TMPRSS5: variants seen among roughly 807,000 people sequenced by gnomAD.
TMPRSS5 encodes transmembrane protease serine 5.
TMPRSS5 carries 45 observed loss-of-function variants against 59.7 expected under a neutral mutation model. The ratio of observed to expected loss-of-function variants is 0.75; its 90% CI spans 0.59 to 0.97. The LOEUF (loss-of-function observed/expected upper bound fraction) is 0.97. TMPRSS5 is among the 50% of genes least tolerant of loss of function. TMPRSS5 has a pLI of 0.00. For missense variants in TMPRSS5, 585 were observed against 596.7 expected (o/e 0.98, Z 0.20); for synonymous variants, 225 against 232.0 (o/e 0.97, Z 0.27).
intron 4 of TMPRSS5, among the ~76,000 whole-genome samples, 165 bp from the exon 5 acceptor site, chr11:113,697,583 G>A (rs1952966869): frequency 6.6e-6 from 1 of 152,202 alleles, no homozygotes; most frequent in Non-Finnish European, 1.5e-5. Flanking sequence ...CCAGTCCCAA[G>A]AGCAGTATCA....
At chr11:113,700,029 C>T (rs1338444928) in intron 2 of TMPRSS5, 37 bp downstream of exon 2, 11 of 1,551,648 alleles carry the variant, frequency 7.1e-6, no homozygotes, top group African/African-American at 2.7e-5. Context: ...TCCACTGTCC[C>T]CACCCTGTCA....
At position 113,706,106 on chromosome 11, in the gene TMPRSS5, A is replaced by G. The variant is rs769742282; in HGVS notation, c.3+116T>C. The stretch of plus-strand genomic sequence containing the variant: ...GCCCCTGCTAGGATCCAGCCCCTGT[A>G]CCAGAGCTGCCTCAGGAGGCTCTTT... On this transcript the variant is annotated intron_variant, in intron 1 of 12. Coordinates refer to ENST00000299882, the MANE Select transcript of TMPRSS5 (RefSeq NM_030770.4). 3.2e-4 allele frequency: 410 copies of G among 1,279,808 alleles called. 2 individuals are homozygous for G. The highest frequency in any genetic ancestry group is 1.1e-3 in the Middle Eastern group (5 of 4,654). 79.3% of individuals were successfully genotyped at this position (1,279,808 alleles called of 1,614,324 possible).
At chr11:113,705,788 C>T (rs1953274252) in intron 1 of TMPRSS5, among the ~76,000 whole-genome samples, 1 of 152,204 alleles carries the variant, frequency 6.6e-6, no homozygotes, top group Admixed American at 6.5e-5. Flanking sequence ...GTCTTTTCTT[C>T]TGCCTCAGTA....
intron 9 of TMPRSS5, 135 bp from the exon 10 acceptor site, chr11:113,691,074 G>T (rs557203740): frequency 3.0e-4 from 225 of 761,698 alleles, no homozygotes; most frequent in Non-Finnish European, 4.6e-4. Flanking sequence ...GGTTCCACCA[G>T]CCAGGCCTCC....
intron 10 of TMPRSS5, 86 bp from the exon 11 acceptor site, chr11:113,690,459 CAG>C (rs1039747373): frequency 7.3e-6 from 11 of 1,511,394 alleles, no homozygotes; most frequent in Non-Finnish European, 8.8e-6. Context: ...TTCGAAGTCC[CAG>C]AGACAGGGAG....
intron 9 of TMPRSS5, among the ~76,000 whole-genome samples, chr11:113,692,490 G>A (rs1292804299): frequency 2.6e-5 from 4 of 152,176 alleles, no homozygotes; most frequent in African/African-American, 4.8e-5. Flanking sequence ...CCACATGCAC[G>A]TGTGTGTCGG....
chr11:113,705,639 C>T (rs1042544050), intron 1 of TMPRSS5, among the ~76,000 whole-genome samples: 1 of 152,232 alleles, frequency 6.6e-6, no homozygotes, highest in African/African-American at 2.4e-5. Flanking sequence ...GCCAGTCAAG[C>T]ACCCATAAGA....
intron 1 of TMPRSS5, among the ~76,000 whole-genome samples, chr11:113,702,895 G>A (rs1430513418): frequency 1.3e-5 from 2 of 152,240 alleles, no homozygotes; most frequent in Non-Finnish European, 2.9e-5. Context: ...TTCAGAGGAT[G>A]TATGGAAACA....
chr11:113,688,573 G>A (rs1952669084), intron 12 of TMPRSS5, among the ~76,000 whole-genome samples: 1 of 152,100 alleles, frequency 6.6e-6, no homozygotes, highest in African/African-American at 2.4e-5. Context: ...TAATGTTTTT[G>A]TTTTGTTTTG....
intron 3 of TMPRSS5, 36 bp downstream of exon 3, chr11:113,699,559 C>A (rs747745800): frequency 6.5e-7 from 1 of 1,528,976 alleles, no homozygotes; most frequent in South Asian, 1.2e-5. Context: ...TCCCTTCCAA[C>A]CTCCCCCACA....
chr11:113,696,961 G>A lies in TMPRSS5; in HGVS notation c.475C>T (p.His159Tyr), dbSNP rs1257991362. The change falls in exon 6 of 13, where the codon CAC (histidine) becomes TAC (tyrosine). Residue 159 changes from histidine to tyrosine, a missense_variant. His to Tyr is a moderately conservative substitution (Grantham distance 83). Transcript: ENST00000299882. ...WSLGHLRLTH[H>Y]KGVNLTDIKL... ...ATGTCAGTGAGGTTTACTCCCTTGT[G>A]GTGAGTGAGTCTTGGCAGAAGAAGG... 4.4e-6 allele frequency: 7 copies of A among 1,573,984 alleles called. No individual in the cohort carries two copies. The highest frequency in any genetic ancestry group is 1.3e-5 in the African/African-American group (1 of 74,220).
In TMPRSS5 at chr11:113,687,772, C is replaced by A. The variant is rs1952646674; in HGVS notation, c.*488G>T. The A allele has an allele frequency of 6.5e-6, 1 of 153,662 alleles. No homozygotes were observed. The highest frequency in any genetic ancestry group is 6.5e-5 in the Admixed American group (1 of 15,320). 9.5% of individuals were successfully genotyped at this position (153,662 alleles called of 1,614,324 possible). ...TCATCTGGGCTGGCCCAGCCTTGAC[C>A]CCATCTGCCCAGGAGCCTCTCAGCC... On this transcript the variant is annotated 3_prime_UTR_variant, in exon 13 of 13. Transcript: ENST00000299882.
At chr11:113,690,176 G>GGCCCGC in intron 11 of TMPRSS5, 55 bp downstream of exon 11, 1 of 388,230 alleles carries the variant, frequency 2.6e-6, no homozygotes, top group African/African-American at 3.0e-5. Context: ...CAGGCCCCCT[G>GGCCCGC]CCCTCCCACC....
rs547367520 is a variant in TMPRSS5, at chr11:113,688,165, G to A, written c.*95C>T. On this transcript the variant is annotated 3_prime_UTR_variant, in exon 13 of 13. Coordinates refer to ENST00000299882, the MANE Select transcript of TMPRSS5 (RefSeq NM_030770.4). ...GTAGGAGGTCCATGCGTTCTGTGTC[G>A]GAGGCTACTGCCTCTCCTCCATTAG... The A allele has an allele frequency of 3.1e-5, 47 of 1,502,484 alleles. No individual in the cohort carries two copies. The highest frequency in any genetic ancestry group is 3.0e-4 in the East Asian group (12 of 40,074). The allele number at this position is 1,502,484 out of a possible 1,614,324, so 93.1% of individuals were successfully genotyped here. A position where few individuals can be genotyped will look rare whatever the true frequency, so the allele number is the denominator to read the frequency against.
chr11:113,692,338 T>C (rs1052616925), intron 9 of TMPRSS5, among the ~76,000 whole-genome samples: 2 of 152,184 alleles, frequency 1.3e-5, no homozygotes, highest in Non-Finnish European at 2.9e-5. Flanking sequence ...GTGTGTACAG[T>C]GTGCATGTTT....
In TMPRSS5 at chr11:113,699,237, C is replaced by G. The variant is rs796740544; in HGVS notation, c.206-210G>C. On this transcript the variant is annotated intron_variant, in intron 3 of 12. Transcript: ENST00000299882. ...TCTCTCTCTCTCTCTCTCTCTCTCTCTCTCTCTCTCTCTCTCTCTCTCTCT... is the reference window on the plus strand; with the variant it reads ...TCTCTCTCTCTCTCTCTCTCTCTCTGTCTCTCTCTCTCTCTCTCTCTCTCT... Among the ~76,000 whole-genome samples, 7,813 of 74,208 alleles carry G rather than the reference C, an allele frequency of 0.11. 646 individuals carry two copies. Among genetic ancestry groups the G allele is most frequent in the African/African-American group, 0.14 (1,684 of 12,324 alleles). 48.7% of individuals were successfully genotyped at this position (74,208 alleles called of 152,430 possible).
chr11:113,699,951 C>G, intron 2 of TMPRSS5, 115 bp downstream of exon 2: 14 of 1,536,384 alleles, frequency 9.1e-6, no homozygotes, highest in Non-Finnish European at 1.1e-5. Context: ...AAGAGTGAGA[C>G]AGCCTCTCAC....
At chr11:113,695,892 CT>C (rs1470363921) in intron 6 of TMPRSS5, among the ~76,000 whole-genome samples, 3 of 152,156 alleles carry the variant, frequency 2.0e-5, no homozygotes, top group Non-Finnish European at 1.5e-5. Flanking sequence ...TCTGCCTGGG[CT>C]TTGCATATTC....
chr11:113,690,240 A>C lies in TMPRSS5; in HGVS notation c.1197T>G (p.Asp399Glu). ...CCACCACAGGCCACACCTGGCATGC[A>C]TCAGCCCTTCCGTCCAGGTAGCCAG... ...LCAGYLDGRA[D>E]ACQGDSGGPL... The change falls in exon 11 of 13, where the codon GAT becomes GAG. Residue 399 changes from aspartate (D) to glutamate (E), a missense_variant. Physicochemically the swap from Asp to Glu is conservative, Grantham distance 45. Transcript: ENST00000299882. The C allele has an allele frequency of 1.3e-6, 2 of 1,515,330 alleles. No individual in the cohort carries two copies. Among genetic ancestry groups the C allele is most frequent in the Non-Finnish European group, 1.8e-6 (2 of 1,127,820 alleles). The allele number at this position is 1,515,330 out of a possible 1,614,324, so 93.9% of individuals were successfully genotyped here.
Sources: allele counts gnomAD v4.1 joint callset (sites outside exome capture counted in the v4.1 genomes callset), GRCh38; gene constraint gnomAD v4.1.1; transcripts MANE v1.5; gene names NCBI Gene and HGNC (gene_info 2026-07-23, HGNC 2026-07-21).